Variants in LSAMP observed in about 807,000 individuals in gnomAD.
LSAMP encodes limbic system-associated membrane protein.
LSAMP carries 7 observed loss-of-function variants against 38.6 expected under a neutral mutation model. The ratio of observed to expected loss-of-function variants is 0.18; its 90% CI spans 0.10 to 0.34. LSAMP has a LOEUF of 0.34. Ranked by LOEUF, LSAMP falls within the 10% of genes least tolerant of loss-of-function variation. The pLI, the probability that LSAMP is intolerant of heterozygous loss-of-function variation, is 1.00. For missense variants in LSAMP, 313 were observed against 420.0 expected (o/e 0.75, Z 2.23); for synonymous variants, 154 against 166.8 (o/e 0.92, Z 0.59).
At chr3:116,019,751 G>A (rs1940586287) in intron 2 of LSAMP, 111 bp from the exon 3 acceptor site, 22 of 1,190,974 alleles carry the variant, frequency 1.8e-5, no homozygotes, top group Non-Finnish European at 2.6e-5. Context: ...TTGAATTTCT[G>A]TGTTAAGAAG....
chr3:116,147,260 C>T (rs1444632324), intron 1 of LSAMP, among the ~76,000 whole-genome samples: 2 of 151,884 alleles, frequency 1.3e-5, no homozygotes, highest in African/African-American at 2.4e-5. Flanking sequence ...ATTCCTGTTA[C>T]ACACATCATC....
At chr3:116,220,396 A>AC (rs2046269597) in intron 1 of LSAMP, among the ~76,000 whole-genome samples, 1 of 148,132 alleles carries the variant, frequency 6.8e-6, no homozygotes, top group African/African-American at 2.5e-5. Context: ...CACACACACA[A>AC]AAGATACTTC....
chr3:116,024,553 C>A (rs959217337), intron 2 of LSAMP, among the ~76,000 whole-genome samples: 2 of 152,140 alleles, frequency 1.3e-5, no homozygotes, highest in African/African-American at 4.8e-5. Context: ...ACTTCTTCAA[C>A]TACAGGCTTT....
At chr3:116,132,901 C>A (rs1393757627) in intron 1 of LSAMP, among the ~76,000 whole-genome samples, 1 of 152,152 alleles carries the variant, frequency 6.6e-6, no homozygotes, top group African/African-American at 2.4e-5. Context: ...TCAATCTAGT[C>A]CCTGTTCCTT....
chr3:116,330,551 C>A (rs900723802), intron 1 of LSAMP, among the ~76,000 whole-genome samples: 2 of 152,022 alleles, frequency 1.3e-5, no homozygotes, highest in South Asian at 2.1e-4. Flanking sequence ...AGCATGCTCC[C>A]CCCCCCACAA....
intron 3 of LSAMP, among the ~76,000 whole-genome samples, chr3:115,938,940 A>T (rs1473140856): frequency 6.6e-6 from 1 of 152,200 alleles, no homozygotes; most frequent in Admixed American, 6.5e-5. Flanking sequence ...GGTAGTTGGG[A>T]AACGTCAGTT....
intron 3 of LSAMP, among the ~76,000 whole-genome samples, chr3:115,883,003 T>A (rs59538647): frequency 0.14 from 21,750 of 152,012 alleles, 1,835 homozygotes; most frequent in African/African-American, 0.24. Flanking sequence ...GTAGTTACAA[T>A]CTTCCATATA....
chr3:116,424,811 A>G (rs1295384888), intron 1 of LSAMP, among the ~76,000 whole-genome samples: 1 of 152,172 alleles, frequency 6.6e-6, no homozygotes, highest in East Asian at 1.9e-4. Flanking sequence ...TACTCTACAT[A>G]TAAGGAAAAC....
chr3:115,986,369 A>G, intron 3 of LSAMP, among the ~76,000 whole-genome samples: 1 of 152,174 alleles, frequency 6.6e-6, no homozygotes. Context: ...CTAGAAGCAA[A>G]TAGATTAGAA....
intron 1 of LSAMP, among the ~76,000 whole-genome samples, chr3:116,406,586 T>G (rs1038955788): frequency 2.6e-5 from 4 of 152,120 alleles, no homozygotes; most frequent in African/African-American, 9.7e-5. Context: ...ACAATTTTTC[T>G]TTGCATCTTC....
chr3:116,440,133 G>C (rs976613843), intron 1 of LSAMP, among the ~76,000 whole-genome samples: 3 of 152,190 alleles, frequency 2.0e-5, no homozygotes, highest in African/African-American at 7.2e-5. Context: ...CTTCTGAGTC[G>C]TACAAACTAA....
intron 1 of LSAMP, among the ~76,000 whole-genome samples, chr3:116,304,417 G>A (rs1425562107): frequency 6.6e-6 from 1 of 152,120 alleles, no homozygotes; most frequent in African/African-American, 2.4e-5. Flanking sequence ...TCGGACAAAG[G>A]AAACTACAGG....
intron 2 of LSAMP, among the ~76,000 whole-genome samples, chr3:116,065,375 TATATA>T (rs1707401784): frequency 6.6e-6 from 1 of 152,368 alleles, no homozygotes; most frequent in Middle Eastern, 3.4e-3. Flanking sequence ...TTTGCAGCTA[TATATA>T]ATATTTTAGT....
chr3:116,050,039 C>A (rs561237462), intron 2 of LSAMP, among the ~76,000 whole-genome samples: 1 of 152,260 alleles, frequency 6.6e-6, no homozygotes, highest in East Asian at 1.9e-4. Flanking sequence ...AGGCTGATCA[C>A]CTGAATTATA....
At chr3:115,890,451 C>G (rs1054012612) in intron 3 of LSAMP, among the ~76,000 whole-genome samples, 2 of 151,966 alleles carry the variant, frequency 1.3e-5, no homozygotes, top group African/African-American at 4.8e-5. Context: ...GGTTAAGCCT[C>G]TCTTACAGAC....
intron 3 of LSAMP, among the ~76,000 whole-genome samples, chr3:115,881,069 T>A (rs551091967): frequency 2.6e-4 from 39 of 151,724 alleles, no homozygotes; most frequent in East Asian, 9.7e-4. Context: ...AATAAATAAA[T>A]AAAATACTGT....
intron 3 of LSAMP, among the ~76,000 whole-genome samples, chr3:115,885,847 A>G (rs1334653519): frequency 6.6e-6 from 1 of 151,918 alleles, no homozygotes; most frequent in South Asian, 2.1e-4. Context: ...AGCCTGAAAA[A>G]AAACCATTGC....
chr3:116,153,092 A>G (rs868724092), intron 1 of LSAMP, among the ~76,000 whole-genome samples: 27 of 152,118 alleles, frequency 1.8e-4, no homozygotes, highest in Admixed American at 1.3e-4. Flanking sequence ...TATATTAAGA[A>G]TATACTAGTA....
At chr3:116,216,610 G>T (rs1478129975) in intron 1 of LSAMP, among the ~76,000 whole-genome samples, 1 of 151,606 alleles carries the variant, frequency 6.6e-6, no homozygotes, top group African/African-American at 2.4e-5. Flanking sequence ...TGAATAGGAA[G>T]TGGGAGACAC....
Sources: allele counts gnomAD v4.1 joint callset (sites outside exome capture counted in the v4.1 genomes callset), GRCh38; gene constraint gnomAD v4.1.1; transcripts MANE v1.5; gene names NCBI Gene and HGNC (gene_info 2026-07-23, HGNC 2026-07-21).